Variants in LRMDA observed in about 807,000 individuals in gnomAD.
LRMDA encodes the protein leucine rich melanocyte differentiation associated.
A neutral mutation model predicts 29.8 loss-of-function variants in LRMDA; 18 were observed. The observed-to-expected ratio is 0.60, with a 90% CI of 0.42 to 0.90. The LOEUF is 0.90. Ranked by LOEUF, LRMDA falls within the 40% of genes least tolerant of loss-of-function variation. The probability of loss-of-function intolerance (pLI) is 0.00; values close to 1 mark genes in which losing one functional copy is unlikely to be tolerated. For synonymous variants in LRMDA, 125 were observed against 109.4 expected (o/e 1.14, Z -0.89); for missense variants, 273 against 273.9 (o/e 1.00, Z 0.02).
chr10:76,392,668 A>G (rs1841736708), intron 6 of LRMDA, among the ~76,000 whole-genome samples: 1 of 151,786 alleles, frequency 6.6e-6, no homozygotes, highest in Admixed American at 6.6e-5. Flanking sequence ...ATTGTGTCAC[A>G]TAGTTTATTA....
At chr10:75,965,087 A>G (rs1846834855) in intron 2 of LRMDA, among the ~76,000 whole-genome samples, 1 of 152,144 alleles carries the variant, frequency 6.6e-6, no homozygotes, top group Admixed American at 6.6e-5. Context: ...TTTAACATGA[A>G]CTATTTGGCA....
intron 2 of LRMDA, among the ~76,000 whole-genome samples, chr10:75,734,676 C>G (rs1003955046): frequency 6.6e-6 from 1 of 152,212 alleles, no homozygotes; most frequent in Non-Finnish European, 1.5e-5. Flanking sequence ...GAGGACAGGG[C>G]AGACCTGGAT....
chr10:75,808,249 TG>T (rs576418415), intron 2 of LRMDA, among the ~76,000 whole-genome samples: 107 of 152,264 alleles, frequency 7.0e-4, no homozygotes, highest in African/African-American at 2.3e-3. Context: ...AGATGTCACC[TG>T]GGATGACCAA....
At chr10:75,685,498 TCCAGGTGGCC>T (rs1487271879) in intron 2 of LRMDA, among the ~76,000 whole-genome samples, 2 of 152,230 alleles carry the variant, frequency 1.3e-5, no homozygotes, top group African/African-American at 4.8e-5. Flanking sequence ...AGCTGAGTTT[TCCAGGTGGCC>T]CCACCTATCT....
chr10:75,944,495 T>C (rs1360429177), intron 2 of LRMDA, among the ~76,000 whole-genome samples: 1 of 151,872 alleles, frequency 6.6e-6, no homozygotes, highest in East Asian at 1.9e-4. Context: ...ATATATATTT[T>C]TTTCTGCTCC....
At chr10:75,606,097 A>C (rs1045573114) in intron 2 of LRMDA, among the ~76,000 whole-genome samples, 4 of 152,048 alleles carry the variant, frequency 2.6e-5, no homozygotes, top group Admixed American at 1.3e-4. Flanking sequence ...GGCTCAAGTG[A>C]TCCACCCGCC....
intron 6 of LRMDA, among the ~76,000 whole-genome samples, chr10:76,543,953 C>A (rs1843388897): frequency 6.6e-6 from 1 of 152,144 alleles, no homozygotes; most frequent in African/African-American, 2.4e-5. Context: ...CCACAGAGCA[C>A]CCTGTAGACG....
chr10:75,723,151 G>C (rs1048941771), intron 2 of LRMDA, among the ~76,000 whole-genome samples: 3 of 152,214 alleles, frequency 2.0e-5, no homozygotes, highest in Non-Finnish European at 2.9e-5. Context: ...GTGCCCCTGG[G>C]CATTAATGAA....
At chr10:76,348,728 G>T (rs1021951351) in intron 6 of LRMDA, among the ~76,000 whole-genome samples, 60 of 152,278 alleles carry the variant, frequency 3.9e-4, no homozygotes, top group African/African-American at 1.3e-3. Context: ...TTAGGTATTT[G>T]CTATGCAAGA....
rs951937259 is a variant in LRMDA at position 76,462,163 on chromosome 10, A to T, written c.602-95046A>T. ...CAAAAAAACCAGAATGTGAACTCAAACACTCAGACAATACCCTAGACCTTC... is the reference window on the plus strand; with the variant it reads ...CAAAAAAACCAGAATGTGAACTCAATCACTCAGACAATACCCTAGACCTTC... On this transcript the variant is annotated intron_variant, in intron 6 of 6. Transcript: ENST00000611255. Among the ~76,000 whole-genome samples, 4 of 152,052 alleles carry T rather than the reference A, an allele frequency of 2.6e-5. No homozygotes were observed. The South Asian group carries it at 8.3e-4, about 32-fold the overall frequency.
chr10:76,167,430 A>G (rs1850760719), intron 5 of LRMDA, among the ~76,000 whole-genome samples: 1 of 151,888 alleles, frequency 6.6e-6, no homozygotes, highest in African/African-American at 2.4e-5. Context: ...TAATTTTTGC[A>G]TATGATGTAC....
intron 2 of LRMDA, among the ~76,000 whole-genome samples, chr10:75,780,766 TC>T (rs1731343357): frequency 6.6e-6 from 1 of 152,094 alleles, no homozygotes; most frequent in Admixed American, 6.5e-5. Context: ...TCTCCCTGGC[TC>T]CCCTTCCTGG....
At chr10:76,006,824 G>T (rs1245427742) in intron 2 of LRMDA, among the ~76,000 whole-genome samples, 3 of 152,134 alleles carry the variant, frequency 2.0e-5, no homozygotes, top group Non-Finnish European at 2.9e-5. Context: ...GGCTTTCTAG[G>T]CTTCAAGCAA....
chr10:76,041,246 C>T (rs558890133), intron 3 of LRMDA, among the ~76,000 whole-genome samples: 8 of 152,280 alleles, frequency 5.3e-5, no homozygotes, highest in South Asian at 2.1e-4. Context: ...GCACATAGCC[C>T]GGTGATGGCA....
At chr10:76,536,667 T>C (rs1266971222) in intron 6 of LRMDA, among the ~76,000 whole-genome samples, 5 of 152,328 alleles carry the variant, frequency 3.3e-5, no homozygotes, top group Middle Eastern at 3.4e-3. Context: ...ATAGGTGATA[T>C]TGGCATATTT....
chr10:75,694,609 G>A (rs1319798172), intron 2 of LRMDA, among the ~76,000 whole-genome samples: 2 of 152,176 alleles, frequency 1.3e-5, no homozygotes, highest in South Asian at 2.1e-4. Flanking sequence ...AATAGAGTAC[G>A]GGGAATCTCT....
chr10:75,923,339 T>C (rs1427913996), intron 2 of LRMDA, among the ~76,000 whole-genome samples: 1 of 152,242 alleles, frequency 6.6e-6, no homozygotes, highest in Non-Finnish European at 1.5e-5. Flanking sequence ...AATGGTTCAG[T>C]TAATAATGCC....
intron 2 of LRMDA, among the ~76,000 whole-genome samples, chr10:75,598,114 C>G (rs1417487480): frequency 6.6e-6 from 1 of 152,174 alleles, no homozygotes; most frequent in Non-Finnish European, 1.5e-5. Flanking sequence ...TCTAAAGTTG[C>G]TGTTTATTGT....
At chr10:76,274,140 C>T (rs12241148) in intron 5 of LRMDA, among the ~76,000 whole-genome samples, 152 of 152,190 alleles carry the variant, frequency 1.0e-3, no homozygotes, top group African/African-American at 3.2e-3. Flanking sequence ...TTCAGGATCA[C>T]CAGTTCCAAA....
Sources: gnomAD v4.1 joint callset for allele counts (sites outside exome capture counted in the v4.1 genomes callset) on GRCh38, gnomAD v4.1.1 for gene constraint, MANE v1.5 for transcripts, NCBI Gene and HGNC (gene_info 2026-07-23, HGNC 2026-07-21) for gene names.